The following DNAH8 variants were observed in gnomAD, a reference collection of about 807,000 sequenced individuals.
DNAH8 encodes the protein axonemal beta dynein heavy chain 8.
Under a neutral mutation model 562.1 loss-of-function variants are expected in DNAH8, and 382 were observed. The ratio of observed to expected loss-of-function variants is 0.68; its 90% CI spans 0.63 to 0.74. The LOEUF is 0.74. Ranked by LOEUF, DNAH8 falls within the 30% of genes least tolerant of loss-of-function variation. DNAH8 has a pLI of 0.00. For synonymous variants in DNAH8, 1,881 were observed against 1,919.4 expected (o/e 0.98, Z 0.52); for missense variants, 5,203 against 5,620.4 (o/e 0.93, Z 2.37).
chr6:38,715,952 ATATATATAT>A (rs1304856743), intron 1 of DNAH8, among the ~76,000 whole-genome samples: 30 of 25,700 alleles, frequency 1.2e-3, no homozygotes, highest in Middle Eastern at 0.029. Flanking sequence ...ATATATATAT[ATATATATAT>A]TTTTTTTTTT....
chr6:38,785,418 T>G (rs1769054648), intron 17 of DNAH8, among the ~76,000 whole-genome samples: 2 of 152,222 alleles, frequency 1.3e-5, no homozygotes, highest in African/African-American at 4.8e-5. Flanking sequence ...TCTTGACCTT[T>G]TTGTCTTTTC....
Position 38,845,500 on chromosome 6 carries a change from A to G in DNAH8, c.4846-74A>G, listed in dbSNP as rs536937386. ...ACAGGTCCCTTTCAAGCAAAAAAAAAATTCTATGATTTGATGATGCACTTA... is the reference window on the plus strand; with the variant it reads ...ACAGGTCCCTTTCAAGCAAAAAAAAGATTCTATGATTTGATGATGCACTTA... On this transcript the variant is annotated intron_variant, in intron 35 of 92. Transcript: ENST00000327475. The G allele has an allele frequency of 4.3e-4, 552 of 1,283,878 alleles. 2 individuals are homozygous for G. The African/African-American group carries it at 6.6e-3, about 15-fold the overall frequency. The allele number at this position is 1,283,878 out of a possible 1,614,324, so 79.5% of individuals were successfully genotyped here. A position where few individuals can be genotyped will look rare whatever the true frequency, so the allele number is the denominator to read the frequency against.
chr6:38,817,959 T>C (rs897985388), intron 26 of DNAH8, among the ~76,000 whole-genome samples: 11 of 152,278 alleles, frequency 7.2e-5, no homozygotes, highest in African/African-American at 2.6e-4. Flanking sequence ...ATAATTATTA[T>C]TTTAATAAAC....
intron 9 of DNAH8, among the ~76,000 whole-genome samples, chr6:38,751,336 A>G (rs1765432222): frequency 6.6e-6 from 1 of 152,194 alleles, no homozygotes; most frequent in Admixed American, 6.5e-5. Context: ...TTAATAACCT[A>G]ATCTCTGAAG....
chr6:38,851,529 GAA>G (rs146186564), intron 38 of DNAH8, 41 bp from the exon 39 acceptor site: 1 of 1,272,880 alleles, frequency 7.9e-7, no homozygotes, highest in East Asian at 2.4e-5. Context: ...TAATTTAGGG[GAA>G]AAAAAACCAC....
chr6:38,796,550 G>A (rs1359903447), intron 21 of DNAH8, among the ~76,000 whole-genome samples: 2 of 152,098 alleles, frequency 1.3e-5, no homozygotes, highest in Non-Finnish European at 2.9e-5. Context: ...ACCACACCCT[G>A]GGCCTGGTAG....
At chr6:38,721,609 T>C (rs1421360228) in intron 1 of DNAH8, among the ~76,000 whole-genome samples, 1 of 152,188 alleles carries the variant, frequency 6.6e-6, no homozygotes, top group Non-Finnish European at 1.5e-5. Flanking sequence ...TGGTTCATGT[T>C]GACACATTCT....
At chr6:39,019,191 C>A (rs925853181) in intron 91 of DNAH8, among the ~76,000 whole-genome samples, 3 of 151,970 alleles carry the variant, frequency 2.0e-5, no homozygotes, top group African/African-American at 7.3e-5. Flanking sequence ...GTAAAAGAGG[C>A]AGGAGGAGGT....
At position 38,951,498 on chromosome 6, in the gene DNAH8, A is replaced by C. The variant is rs764487812; in HGVS notation, c.12429A>C (p.Ala4143=). 3.1e-6 allele frequency: 5 copies of C among 1,613,982 alleles called. No individual in the cohort carries two copies. Among genetic ancestry groups the C allele is most frequent in the Non-Finnish European group, 3.4e-6 (4 of 1,179,906 alleles). The change falls in exon 82 of 93, where the codon GCA becomes GCC. Residue 4143 remains alanine (A), a synonymous_variant. Coordinates refer to ENST00000327475, the MANE Select transcript of DNAH8 (RefSeq NM_001206927.2). ...MGSDPTNQID[A]LAKKLKLECR... Reference sequence around the variant, plus strand: ...CTGACCCCACCAATCAAATTGATGCATTGGCCAAGAAACTGAAACTGGGTA... The same window carrying C: ...CTGACCCCACCAATCAAATTGATGCCTTGGCCAAGAAACTGAAACTGGGTA...
chr6:38,813,608 G>A (rs573631951), intron 24 of DNAH8, among the ~76,000 whole-genome samples: 170 of 152,282 alleles, frequency 1.1e-3, no homozygotes, highest in Middle Eastern at 6.8e-3. Context: ...GGACTCAGGC[G>A]TCTGTGCTGC....
chr6:38,738,265 A>G (rs1764256859), intron 7 of DNAH8, among the ~76,000 whole-genome samples: 1 of 152,218 alleles, frequency 6.6e-6, no homozygotes, highest in African/African-American at 2.4e-5. Flanking sequence ...TAATGTTTAA[A>G]TTGTTGATAC....
intron 26 of DNAH8, among the ~76,000 whole-genome samples, chr6:38,821,494 G>A (rs982985377): frequency 3.3e-5 from 5 of 152,160 alleles, no homozygotes; most frequent in Non-Finnish European, 7.3e-5. Flanking sequence ...ATAGAGAATA[G>A]GGGAATTCAA....
At chr6:38,742,182 C>G (rs1322726982) in intron 8 of DNAH8, among the ~76,000 whole-genome samples, 1 of 152,152 alleles carries the variant, frequency 6.6e-6, no homozygotes, top group Non-Finnish European at 1.5e-5. Flanking sequence ...TCAATATAGG[C>G]TCACTGAGGT....
intron 29 of DNAH8, among the ~76,000 whole-genome samples, chr6:38,826,932 A>G (rs1263448713): frequency 6.6e-6 from 1 of 152,208 alleles, no homozygotes; most frequent in Non-Finnish European, 1.5e-5. Flanking sequence ...GCTTAAAACA[A>G]CACAGATCGT....
intron 49 of DNAH8, among the ~76,000 whole-genome samples, chr6:38,871,959 T>C (rs2150432121): frequency 6.6e-6 from 1 of 152,320 alleles, no homozygotes; most frequent in Middle Eastern, 3.4e-3. Context: ...CTCAAGTCTG[T>C]CCTCTACAGG....
At chr6:38,781,775 A>G (rs955296114) in intron 16 of DNAH8, among the ~76,000 whole-genome samples, 1 of 152,188 alleles carries the variant, frequency 6.6e-6, no homozygotes, top group African/African-American at 2.4e-5. Flanking sequence ...CAAAGAGTGT[A>G]TTCCTGTATG....
intron 12 of DNAH8, 41 bp downstream of exon 12, chr6:38,770,600 C>T (rs1767473901): frequency 2.0e-6 from 3 of 1,506,298 alleles, no homozygotes; most frequent in Non-Finnish European, 2.6e-6. Flanking sequence ...CCACACCACA[C>T]CTTTTTGGTG....
At chr6:38,929,447 G>A (rs2150573136) in intron 74 of DNAH8, 64 bp from the exon 75 acceptor site, 1 of 1,415,130 alleles carries the variant, frequency 7.1e-7, no homozygotes, top group Non-Finnish European at 9.3e-7. Flanking sequence ...AAATCTCTCG[G>A]TTTCCCTTAG....
chr6:38,837,904 A>C (rs1331643157), intron 32 of DNAH8, 38 bp from the exon 33 acceptor site: 2 of 1,359,746 alleles, frequency 1.5e-6, no homozygotes, highest in Non-Finnish European at 2.1e-6. Flanking sequence ...CTACTGAATT[A>C]ATTGTATTTT....
Sources: gnomAD v4.1 joint callset for allele counts (sites outside exome capture counted in the v4.1 genomes callset) on GRCh38, gnomAD v4.1.1 for gene constraint, MANE v1.5 for transcripts, NCBI Gene and HGNC (gene_info 2026-07-23, HGNC 2026-07-21) for gene names.